Variants in INSYN2B observed in about 807,000 individuals in gnomAD.
INSYN2B encodes protein INSYN2B.
Under a neutral mutation model 41.2 loss-of-function variants are expected in INSYN2B, and 16 were observed. That is an observed-to-expected ratio of 0.39 (90% CI 0.26 to 0.59). The LOEUF (loss-of-function observed/expected upper bound fraction) is 0.59, where lower values mean the gene tolerates loss of function less well. INSYN2B is among the 20% of genes least tolerant of loss of function. INSYN2B has a pLI of 0.57. For missense variants in INSYN2B, 608 were observed against 646.4 expected, an observed-to-expected ratio of 0.94 and a Z score of 0.64; for synonymous variants, 245 against 244.4, an observed-to-expected ratio of 1.00 and a Z score of -0.02.
At chr5:169,957,801 C>T (rs1248569631) in intron 1 of INSYN2B, among the ~76,000 whole-genome samples, 1 of 152,214 alleles carries the variant, frequency 6.6e-6, no homozygotes, top group Non-Finnish European at 1.5e-5. Flanking sequence ...GCTCCATGTA[C>T]TGCTACTGTT....
At chr5:169,961,720 G>A (rs989592709) in intron 1 of INSYN2B, among the ~76,000 whole-genome samples, 24 of 152,204 alleles carry the variant, frequency 1.6e-4, no homozygotes, top group Admixed American at 1.0e-3. Context: ...GCTCACGCCC[G>A]TAATCCCAGC....
intron 1 of INSYN2B, among the ~76,000 whole-genome samples, chr5:169,970,793 G>A (rs1777474753): frequency 6.6e-6 from 1 of 152,174 alleles, no homozygotes; most frequent in South Asian, 2.1e-4. Context: ...AGTAGATATG[G>A]GGCTTTAATA....
intron 1 of INSYN2B, among the ~76,000 whole-genome samples, chr5:169,950,618 A>G (rs1466318467): frequency 6.6e-6 from 1 of 152,194 alleles, no homozygotes; most frequent in East Asian, 1.9e-4. Context: ...CAGATTTTCT[A>G]TGTGACAGGA....
rs1364700196 is a variant in INSYN2B, at chr5:169,863,093, A to C, written c.*1180T>G. The stretch of plus-strand genomic sequence containing the variant: ...TATTACTTTAGTAGTTTGTTCAGCC[A>C]TGCAAGTTTGACTGGATCCACATGT... On this transcript the variant is annotated 3_prime_UTR_variant, in exon 4 of 4. Coordinates refer to ENST00000377365, the MANE Select transcript of INSYN2B (RefSeq NM_001129891.3). Among the ~76,000 whole-genome samples the C allele has an allele frequency of 6.6e-6, 1 of 152,220 alleles. No homozygotes were observed. The highest frequency in any genetic ancestry group is 2.4e-5 in the African/African-American group (1 of 41,466).
chr5:169,872,165 T>C (rs1006039069), intron 3 of INSYN2B, among the ~76,000 whole-genome samples: 3 of 152,196 alleles, frequency 2.0e-5, no homozygotes, highest in African/African-American at 7.2e-5. Flanking sequence ...TGTTGGAACA[T>C]TTCTGTGGTC....
At position 169,862,506 on chromosome 5, in the gene INSYN2B, GA is replaced by G. The variant is rs60698190; in HGVS notation, c.*1766del. ...CTGACAGTTGATCGTATGGATACAGGAAAAAAAAAATCTGTGGCTTTTAGCC... is the reference window on the plus strand; with the variant it reads ...CTGACAGTTGATCGTATGGATACAGGAAAAAAAAATCTGTGGCTTTTAGCC... On this transcript the variant is annotated 3_prime_UTR_variant, in exon 4 of 4. Coordinates refer to ENST00000377365, the MANE Select transcript of INSYN2B (RefSeq NM_001129891.3). 2.7e-4 allele frequency among the ~76,000 whole-genome samples: 40 copies of G among 150,194 alleles called. No homozygotes were observed. The highest frequency in any genetic ancestry group is 1.5e-3 in the Admixed American group (22 of 15,112).
intron 1 of INSYN2B, among the ~76,000 whole-genome samples, chr5:169,906,880 C>T (rs951734763): frequency 7.2e-5 from 11 of 152,190 alleles, no homozygotes; most frequent in Admixed American, 5.2e-4. Context: ...TGGAAATGTG[C>T]ATGAGGCTGG....
intron 3 of INSYN2B, among the ~76,000 whole-genome samples, chr5:169,865,652 G>T (rs1771501831): frequency 6.6e-6 from 1 of 152,240 alleles, no homozygotes; most frequent in South Asian, 2.1e-4. Flanking sequence ...CATACCAGGG[G>T]TCTCAGAAGG....
chr5:169,942,140 T>A (rs938616519), intron 1 of INSYN2B, among the ~76,000 whole-genome samples: 3 of 152,252 alleles, frequency 2.0e-5, no homozygotes, highest in African/African-American at 7.2e-5. Flanking sequence ...GATTCTCTCA[T>A]TAAGATGTTG....
intron 1 of INSYN2B, among the ~76,000 whole-genome samples, chr5:169,900,928 A>T (rs886277259): frequency 3.3e-5 from 5 of 152,216 alleles, no homozygotes; most frequent in African/African-American, 1.2e-4. Context: ...CTTCACCTTG[A>T]GATACAACTG....
rs114706356 is a variant in INSYN2B, at chr5:169,881,540, T to C, written c.1347-98A>G. 85 of 878,842 alleles carry C rather than the reference T, an allele frequency of 9.7e-5. 1 individual carries two copies. In the African/African-American group the frequency reaches 1.3e-3, roughly 14 times the overall value. The allele number at this position is 878,842 out of a possible 1,614,324, so 54.4% of individuals were successfully genotyped here. On this transcript the variant is annotated intron_variant, in intron 2 of 3. Transcript: ENST00000377365. The stretch of plus-strand genomic sequence containing the variant: ...GTCCCTTAGTCCCTATAGCACAGCA[T>C]TCACGGTGCTCTGAAGTTGCACGGC...
At position 169,879,654 on chromosome 5, in the gene INSYN2B, A is replaced by C. The variant is rs114011894; in HGVS notation, c.1421+1714T>G. On this transcript the variant is annotated intron_variant, in intron 3 of 3. Transcript: ENST00000377365. ...TTTGAATTAAGTGCTAGAAAAATGCAAACATTCTCAGACATGTTGGAAGGT... is the reference window on the plus strand; with the variant it reads ...TTTGAATTAAGTGCTAGAAAAATGCCAACATTCTCAGACATGTTGGAAGGT... 1.5e-3 allele frequency among the ~76,000 whole-genome samples: 227 copies of C among 152,338 alleles called. 1 individual carries two copies. Among genetic ancestry groups the C allele is most frequent in the African/African-American group, 5.3e-3 (219 of 41,584 alleles).
intron 3 of INSYN2B, among the ~76,000 whole-genome samples, chr5:169,870,243 G>T (rs969317148): frequency 2.6e-5 from 4 of 152,122 alleles, no homozygotes; most frequent in African/African-American, 9.7e-5. Flanking sequence ...TTCCCTCTTG[G>T]GGGTACCTCA....
chr5:169,874,216 C>A (rs1046450717), intron 3 of INSYN2B, among the ~76,000 whole-genome samples: 1 of 151,974 alleles, frequency 6.6e-6, no homozygotes, highest in South Asian at 2.1e-4. Context: ...GGTTCAAGAC[C>A]AGCCTGGCCA....
At chr5:169,916,334 C>G (rs1774874727) in intron 1 of INSYN2B, among the ~76,000 whole-genome samples, 2 of 152,366 alleles carry the variant, frequency 1.3e-5, no homozygotes, top group South Asian at 4.1e-4. Context: ...AAGGAACCAG[C>G]CACTTTGACA....
chr5:169,885,859 T>C (rs763914698), intron 1 of INSYN2B, among the ~76,000 whole-genome samples: 12 of 135,780 alleles, frequency 8.8e-5, no homozygotes, highest in Non-Finnish European at 1.7e-4. Flanking sequence ...TTGCATTATC[T>C]CATTTAATCC....
At chr5:169,898,970 T>C (rs532350480) in intron 1 of INSYN2B, among the ~76,000 whole-genome samples, 1 of 152,080 alleles carries the variant, frequency 6.6e-6, no homozygotes, top group Non-Finnish European at 1.5e-5. Flanking sequence ...ATCCAGAAGT[T>C]AAGAACTCAG....
intron 1 of INSYN2B, among the ~76,000 whole-genome samples, chr5:169,961,348 A>G (rs1394560749): frequency 6.6e-6 from 1 of 152,262 alleles, no homozygotes; most frequent in African/African-American, 2.4e-5. Flanking sequence ...CACTGAACAG[A>G]ATTAAATTGA....
intron 2 of INSYN2B, 97 bp downstream of exon 2, chr5:169,882,456 A>G (rs1234092631): frequency 9.8e-7 from 1 of 1,020,608 alleles, no homozygotes; most frequent in Non-Finnish European, 1.4e-6. Context: ...AACATTTTGG[A>G]GACATTTTTA....
Sources: allele counts gnomAD v4.1 joint callset (sites outside exome capture counted in the v4.1 genomes callset), GRCh38; gene constraint gnomAD v4.1.1; transcripts MANE v1.5; gene names NCBI Gene and HGNC (gene_info 2026-07-23, HGNC 2026-07-21).